C9orf85: variants seen among roughly 807,000 people sequenced by gnomAD.
The protein encoded by C9orf85 is uncharacterized protein C9orf85.
C9orf85 carries 16 observed loss-of-function variants against 14.9 expected under a neutral mutation model. The ratio of observed to expected loss-of-function variants is 1.08; its 90% CI spans 0.73 to 1.63. The LOEUF is 1.63. Ranked by LOEUF, C9orf85 falls within the 40% of genes most tolerant of loss-of-function variation. The probability of loss-of-function intolerance (pLI) is 0.00; values close to 1 mark genes in which losing one functional copy is unlikely to be tolerated. For synonymous variants in C9orf85, 45 were observed against 56.8 expected (o/e 0.79, Z 0.93); for missense variants, 172 against 186.1 (o/e 0.92, Z 0.44).
intron 2 of C9orf85, among the ~76,000 whole-genome samples, chr9:71,960,906 C>A (rs1261764886): frequency 6.6e-6 from 1 of 150,756 alleles, no homozygotes; most frequent in African/African-American, 2.4e-5. Context: ...TTTTTCAGTT[C>A]CAAATTGTTT....
At chr9:71,965,100 A>T (rs942261206) in intron 2 of C9orf85, among the ~76,000 whole-genome samples, 4 of 152,136 alleles carry the variant, frequency 2.6e-5, no homozygotes, top group African/African-American at 9.7e-5. Context: ...AACAGACCAG[A>T]AGAGAGTGCA....
downstream of C9orf85, among the ~76,000 whole-genome samples, chr9:71,977,351 A>G (rs181038817): frequency 4.1e-4 from 62 of 151,274 alleles, no homozygotes; most frequent in African/African-American, 1.5e-3. Flanking sequence ...CCTATTTTAT[A>G]GCACTTACGT....
At chr9:71,956,143 A>G (rs1822373255) in intron 2 of C9orf85, among the ~76,000 whole-genome samples, 1 of 152,130 alleles carries the variant, frequency 6.6e-6, no homozygotes, top group South Asian at 2.1e-4. Context: ...GGACATCTGA[A>G]CATTATATGC....
At chr9:71,912,058 A>T (rs1827513667) in intron 1 of C9orf85, 1 of 458,438 alleles carries the variant, frequency 2.2e-6, no homozygotes, top group Non-Finnish European at 3.9e-6. Context: ...ACACTTAACT[A>T]ATTGCACAGA....
intron 2 of C9orf85, among the ~76,000 whole-genome samples, chr9:71,959,707 C>A (rs1320841145): frequency 6.6e-6 from 1 of 152,122 alleles, no homozygotes; most frequent in African/African-American, 2.4e-5. Flanking sequence ...TCTTGTGTAA[C>A]CAGGTCTGCT....
intron 2 of C9orf85, among the ~76,000 whole-genome samples, chr9:71,964,090 G>A (rs1275002352): frequency 6.6e-6 from 1 of 152,164 alleles, no homozygotes; most frequent in African/African-American, 2.4e-5. Flanking sequence ...CTCAGGGTTT[G>A]TGAATGCACC....
intron 3 of C9orf85, among the ~76,000 whole-genome samples, chr9:71,982,393 A>G (rs1338334858): frequency 6.6e-6 from 1 of 152,046 alleles, no homozygotes; most frequent in Admixed American, 6.6e-5. Flanking sequence ...TTTTTCGTGG[A>G]TATATATACC....
At chr9:71,981,349 G>A (rs1013034494) in intron 3 of C9orf85, among the ~76,000 whole-genome samples, 3 of 152,128 alleles carry the variant, frequency 2.0e-5, no homozygotes, top group African/African-American at 7.2e-5. Flanking sequence ...CCCACACATG[G>A]GACATGCTTC....
chr9:71,917,945 G>A (rs1827695248), intron 1 of C9orf85, among the ~76,000 whole-genome samples: 1 of 152,190 alleles, frequency 6.6e-6, no homozygotes, highest in African/African-American at 2.4e-5. Context: ...CACTTTGGGA[G>A]GCCAAGGCAG....
chr9:71,954,383 G>T (rs1185159384), intron 2 of C9orf85, among the ~76,000 whole-genome samples: 1 of 152,030 alleles, frequency 6.6e-6, no homozygotes, highest in African/African-American at 2.4e-5. Flanking sequence ...ACAGGACAGG[G>T]GTCCCAATCC....
At chr9:71,930,135 T>G (rs1388498603) in intron 1 of C9orf85, among the ~76,000 whole-genome samples, 1 of 152,078 alleles carries the variant, frequency 6.6e-6, no homozygotes, top group East Asian at 1.9e-4. Flanking sequence ...AAGATTTATT[T>G]TATAATAAAC....
Position 71,915,180 on chromosome 9 carries a change from A to AT in C9orf85, c.102+3346dup, listed in dbSNP as rs1452538494. ...AGAGATCATTACAAAAATTATTATT[A>AT]TTATTTTTTTTTTTTTTTTGAGACA... On this transcript the variant is annotated intron_variant, in intron 1 of 3. Transcript: ENST00000334731. Among the ~76,000 whole-genome samples, 15 of 14,340 alleles carry AT rather than the reference A, an allele frequency of 1.0e-3. No individual in the cohort carries two copies. The East Asian group carries it at 0.14, about 130-fold the overall frequency. The allele number at this position is 14,340 out of a possible 152,430, so 9.4% of individuals were successfully genotyped here.
At chr9:71,912,859 G>A (rs1207362371) in intron 1 of C9orf85, among the ~76,000 whole-genome samples, 1 of 152,080 alleles carries the variant, frequency 6.6e-6, no homozygotes, top group Admixed American at 6.6e-5. Context: ...ACTCCTGGGC[G>A]ACAGAGCAAG....
At chr9:71,921,741 A>C (rs1263748826) in intron 1 of C9orf85, among the ~76,000 whole-genome samples, 1 of 152,172 alleles carries the variant, frequency 6.6e-6, no homozygotes, top group Non-Finnish European at 1.5e-5. Flanking sequence ...TTTACAAATG[A>C]AGTAAATAAA....
intron 1 of C9orf85, among the ~76,000 whole-genome samples, chr9:71,936,679 T>C (rs964585126): frequency 2.0e-5 from 3 of 152,134 alleles, no homozygotes; most frequent in Non-Finnish European, 4.4e-5. Context: ...GTAGATCCTT[T>C]CTTAAAAATA....
chr9:71,943,199 A>G lies in C9orf85; in HGVS notation c.103-3807A>G, dbSNP rs146648336. 3.7e-3 allele frequency among the ~76,000 whole-genome samples: 561 copies of G among 152,302 alleles called. 3 individuals are homozygous for G. Among genetic ancestry groups the G allele is most frequent in the African/African-American group, 0.013 (521 of 41,580 alleles). On this transcript the variant is annotated intron_variant, in intron 1 of 3. Transcript: ENST00000334731. ...AGCCAGTTTATGGAAATAGATTTTTAGCATTGGAATTGGCATTGGCATTTT... is the reference window on the plus strand; with the variant it reads ...AGCCAGTTTATGGAAATAGATTTTTGGCATTGGAATTGGCATTGGCATTTT...
At chr9:71,954,676 A>G (rs909401801) in intron 2 of C9orf85, among the ~76,000 whole-genome samples, 5 of 152,128 alleles carry the variant, frequency 3.3e-5, no homozygotes, top group Non-Finnish European at 7.3e-5. Context: ...TCTAGTGGCC[A>G]TCTTGGTTTT....
chr9:71,935,863 G>A (rs1251104660), intron 1 of C9orf85, among the ~76,000 whole-genome samples: 1 of 150,958 alleles, frequency 6.6e-6, no homozygotes, highest in African/African-American at 2.4e-5. Context: ...CATAAAAATC[G>A]TTAAGTTGGT....
chr9:71,946,605 C>CTCAGGAGTTCAA (rs1564091618), intron 1 of C9orf85, among the ~76,000 whole-genome samples: 1 of 152,000 alleles, frequency 6.6e-6, no homozygotes, highest in Non-Finnish European at 1.5e-5. Context: ...CCACCCTGGG[C>CTCAGGAGTTCAA]AACATGGTGA....
Sources: allele counts gnomAD v4.1 joint callset (sites outside exome capture counted in the v4.1 genomes callset), GRCh38; gene constraint gnomAD v4.1.1; transcripts MANE v1.5; gene names NCBI Gene and HGNC (gene_info 2026-07-23, HGNC 2026-07-21).